Variants in TNFAIP8L3 observed in about 807,000 individuals in gnomAD.
TNFAIP8L3 encodes TNF alpha induced protein 8 like 3.
Under a neutral mutation model 11.8 loss-of-function variants are expected in TNFAIP8L3, and 7 were observed. The ratio of observed to expected loss-of-function variants is 0.59; its 90% CI spans 0.34 to 1.11. The LOEUF (loss-of-function observed/expected upper bound fraction) is 1.11, where lower values mean the gene tolerates loss of function less well. TNFAIP8L3 is among the 50% of genes most tolerant of loss of function. The probability of loss-of-function intolerance (pLI) is 0.03; values close to 1 mark genes in which losing one functional copy is unlikely to be tolerated. For missense variants in TNFAIP8L3, 219 were observed against 258.6 expected (o/e 0.85, Z 1.05); for synonymous variants, 98 against 103.8 (o/e 0.94, Z 0.34).
At position 51,094,649 on chromosome 15, in the gene TNFAIP8L3, C is replaced by A. The variant is rs746106215; in HGVS notation, c.-54G>T. On this transcript the variant is annotated 5_prime_UTR_variant, in exon 1 of 2. Transcript: ENST00000637513. This position sits in a 1 kb window ranked among gnomAD's most constrained non-coding sequence, Gnocchi z 4.4. ...GCCACCCGCCCGTCTGCGGGGCGCTCGGGCAGCCGCGGCGCACTCAGGGCG... is the reference window on the plus strand; with the variant it reads ...GCCACCCGCCCGTCTGCGGGGCGCTAGGGCAGCCGCGGCGCACTCAGGGCG... 13 of 1,370,042 alleles carry A rather than the reference C, an allele frequency of 9.5e-6. No homozygotes were observed. Among genetic ancestry groups the A allele is most frequent in the Non-Finnish European group, 1.2e-5 (13 of 1,062,596 alleles). 84.9% of individuals were successfully genotyped at this position (1,370,042 alleles called of 1,614,324 possible).
At chr15:51,084,803 G>A (rs540389109) in intron 1 of TNFAIP8L3, among the ~76,000 whole-genome samples, 7 of 152,260 alleles carry the variant, frequency 4.6e-5, no homozygotes, top group African/African-American at 1.7e-4. Context: ...GTACAACTTT[G>A]GGAGCCTTTA....
chr15:51,085,987 C>A (rs1048104176), intron 1 of TNFAIP8L3, among the ~76,000 whole-genome samples: 2 of 152,122 alleles, frequency 1.3e-5, no homozygotes, highest in Admixed American at 1.3e-4. Flanking sequence ...GAAACACAGA[C>A]CTGAGTCATC....
chr15:51,092,524 C>T (rs552567529), intron 1 of TNFAIP8L3, among the ~76,000 whole-genome samples: 1 of 152,334 alleles, frequency 6.6e-6, no homozygotes, highest in African/African-American at 2.4e-5. Context: ...AGCAGAATGG[C>T]TTGTGACATT....
Position 51,058,418 on chromosome 15 carries a change from A to C in TNFAIP8L3, c.78T>G (p.Ser26Arg), listed in dbSNP as rs1460318180. Residue 26 changes from serine to arginine, a missense_variant, in exon 2 of 2, where the codon AGT (serine) becomes AGG (arginine). Ser to Arg is a moderately radical substitution (Grantham distance 110). Coordinates refer to ENST00000637513, the MANE Select transcript of TNFAIP8L3 (RefSeq NM_001311175.2). ...AAGPDVFSSKSLALQAQKKIL... is the reference protein window; with the variant it reads ...AAGPDVFSSKRLALQAQKKIL... Reference sequence around the variant, plus strand: ...TCTTCTTCTGGGCTTGAAGCGCAAGACTCTTTGAACTAAAAACATCAGGAC... The same window carrying C: ...TCTTCTTCTGGGCTTGAAGCGCAAGCCTCTTTGAACTAAAAACATCAGGAC... 2 of 1,593,282 alleles carry C rather than the reference A, an allele frequency of 1.3e-6. No homozygotes were observed. The highest frequency in any genetic ancestry group is 1.8e-5 in the Admixed American group (1 of 56,474).
upstream of TNFAIP8L3, among the ~76,000 whole-genome samples, chr15:51,098,497 G>A (rs1456255938): frequency 6.6e-6 from 1 of 152,226 alleles, no homozygotes; most frequent in African/African-American, 2.4e-5. Flanking sequence ...AAGCTGGAGA[G>A]CAGGGTCCAA....
chr15:51,072,989 CCTTTTTTTTTTTTT>C (rs913011750), intron 1 of TNFAIP8L3, among the ~76,000 whole-genome samples: 4 of 45,754 alleles, frequency 8.7e-5, no homozygotes, highest in East Asian at 4.1e-4. Flanking sequence ...AAACTGGGAT[CCTTTTTTTTTTTTT>C]TTTTTTTTTT....
rs544240771 is a variant in TNFAIP8L3, at chr15:51,077,310, G to A, written c.52+17234C>T. 2.6e-5 allele frequency among the ~76,000 whole-genome samples: 4 copies of A among 152,282 alleles called. No homozygotes were observed. The South Asian group carries it at 8.3e-4, about 32-fold the overall frequency. On this transcript the variant is annotated intron_variant, in intron 1 of 1. Coordinates refer to ENST00000637513, the MANE Select transcript of TNFAIP8L3 (RefSeq NM_001311175.2). ...ACAGACTGCCAGGCCCCCAGGCCCC[G>A]GCAGGCCGCCCTGTGCTGACGTAGC...
chr15:51,097,038 C>T (rs2065518494), upstream of TNFAIP8L3, among the ~76,000 whole-genome samples: 1 of 152,080 alleles, frequency 6.6e-6, no homozygotes, highest in South Asian at 2.1e-4. Flanking sequence ...ACAATGATAG[C>T]TTCACAGAAC....
chr15:51,085,418 T>C (rs1053691477), intron 1 of TNFAIP8L3, among the ~76,000 whole-genome samples: 3 of 152,148 alleles, frequency 2.0e-5, no homozygotes, highest in Non-Finnish European at 4.4e-5. Flanking sequence ...GAAGTGGGCC[T>C]GACCCAAGGG....
intron 1 of TNFAIP8L3, among the ~76,000 whole-genome samples, chr15:51,072,193 T>C (rs372016581): frequency 4.6e-5 from 7 of 152,178 alleles, no homozygotes; most frequent in African/African-American, 1.7e-4. Flanking sequence ...CAGGCTGGAG[T>C]GCAATGGCAC....
chr15:51,071,099 G>C (rs1595609466), intron 1 of TNFAIP8L3, among the ~76,000 whole-genome samples: 1 of 136,980 alleles, frequency 7.3e-6, no homozygotes, highest in African/African-American at 2.6e-5. Flanking sequence ...AAACCACCAA[G>C]TGTTTCAAAC....
At chr15:51,088,241 G>A (rs1349993601) in intron 1 of TNFAIP8L3, among the ~76,000 whole-genome samples, 1 of 152,072 alleles carries the variant, frequency 6.6e-6, no homozygotes, top group Non-Finnish European at 1.5e-5. Context: ...TAGAAAGTGT[G>A]ACTAAAATTT....
At chr15:51,092,876 C>T (rs1218076795) in intron 1 of TNFAIP8L3, among the ~76,000 whole-genome samples, 1 of 152,156 alleles carries the variant, frequency 6.6e-6, no homozygotes, top group African/African-American at 2.4e-5. Context: ...TTCTCTAAGC[C>T]TCCTTATCCT....
chr15:51,078,881 G>T lies in TNFAIP8L3; in HGVS notation c.52+15663C>A, dbSNP rs115648119. 4.7e-3 allele frequency among the ~76,000 whole-genome samples: 711 copies of T among 151,998 alleles called. 7 individuals carry two copies. Among genetic ancestry groups the T allele is most frequent in the African/African-American group, 0.016 (666 of 41,440 alleles). On this transcript the variant is annotated intron_variant, in intron 1 of 1. Transcript: ENST00000637513. ...ACCTGCCTTCCTCTGCCTCTCTTTC[G>T]CTACCTCAGTACAGACCCTCATGGT...
At chr15:51,081,071 C>T (rs968370746) in intron 1 of TNFAIP8L3, among the ~76,000 whole-genome samples, 37 of 152,098 alleles carry the variant, frequency 2.4e-4, no homozygotes, top group Admixed American at 2.3e-3. Flanking sequence ...ATTTTTGCTT[C>T]GTGACTTAAC....
chr15:51,058,641 C>A (rs2065222534), intron 1 of TNFAIP8L3, among the ~76,000 whole-genome samples, 198 bp from the exon 2 acceptor site: 1 of 152,162 alleles, frequency 6.6e-6, no homozygotes, highest in Non-Finnish European at 1.5e-5. Context: ...TTTGTTTACC[C>A]TTTTTAATCC....
At chr15:51,105,172 C>T (rs907762811) in exon 1 of TNFAIP8L3, 3 of 1,613,288 alleles carry the variant, frequency 1.9e-6, no homozygotes, top group Middle Eastern at 1.8e-4. Context: ...CCGTGGTTTC[C>T]CCATTTGGAC....
chr15:51,078,661 T>G (rs1022912603), intron 1 of TNFAIP8L3, among the ~76,000 whole-genome samples: 1 of 151,736 alleles, frequency 6.6e-6, no homozygotes, highest in Non-Finnish European at 1.5e-5. Flanking sequence ...TCCCTCCCCC[T>G]CCACATTCAA....
intron 1 of TNFAIP8L3, among the ~76,000 whole-genome samples, chr15:51,077,289 A>T (rs1288526580): frequency 6.6e-6 from 1 of 152,182 alleles, no homozygotes; most frequent in East Asian, 1.9e-4. Context: ...CAAACCACAG[A>T]CTGCCAGGCC....
Sources: allele counts gnomAD v4.1 joint callset (sites outside exome capture counted in the v4.1 genomes callset), GRCh38; gene constraint gnomAD v4.1.1; non-coding constraint Gnocchi (gnomAD v3.1); transcripts MANE v1.5; gene names NCBI Gene and HGNC (gene_info 2026-07-23, HGNC 2026-07-21).